RBMS2: variants seen among roughly 807,000 people sequenced by gnomAD.
RBMS2 encodes RNA-binding motif, single-stranded-interacting protein 2.
In RBMS2, 38 loss-of-function variants were observed where a neutral mutation model predicts 58.4. That is an observed-to-expected ratio of 0.65 (90% confidence interval 0.50 to 0.85). The LOEUF is 0.85. RBMS2 is among the 40% of genes least tolerant of loss of function. RBMS2 has a pLI of 0.00. For missense variants in RBMS2, 367 were observed against 503.7 expected, an observed-to-expected ratio of 0.73 and a Z score of 2.60; for synonymous variants, 151 against 180.7, an observed-to-expected ratio of 0.84 and a Z score of 1.32.
At chr12:56,542,530 CTT>C (rs11295563) in intron 1 of RBMS2, among the ~76,000 whole-genome samples, 58 of 124,264 alleles carry the variant, frequency 4.7e-4, no homozygotes, top group South Asian at 3.8e-3. Context: ...CCTGTGTTTC[CTT>C]TTTTTTTTTT....
chr12:56,586,365 A>G (rs891758743), intron 9 of RBMS2, among the ~76,000 whole-genome samples: 1 of 151,712 alleles, frequency 6.6e-6, no homozygotes, highest in Admixed American at 6.6e-5. Flanking sequence ...GGTGGTGCAC[A>G]CCTGTAGTCC....
intron 1 of RBMS2, among the ~76,000 whole-genome samples, chr12:56,544,049 A>G (rs1876672050): frequency 6.6e-6 from 1 of 151,842 alleles, no homozygotes; most frequent in African/African-American, 2.4e-5. Context: ...AGGCCAAGGC[A>G]GGGGGATCAC....
intron 7 of RBMS2, 28 bp from the exon 8 acceptor site, chr12:56,581,805 A>G (rs1436536122): frequency 6.2e-7 from 1 of 1,613,126 alleles, no homozygotes; most frequent in Non-Finnish European, 8.5e-7. Flanking sequence ...AGGGCTCACA[A>G]TGTGAACACT....
intron 1 of RBMS2, among the ~76,000 whole-genome samples, chr12:56,556,046 T>TA (rs57399884): frequency 0.057 from 7,846 of 138,564 alleles, 673 homozygotes; most frequent in African/African-American, 0.19. Context: ...CTCTGTGTCT[T>TA]AAAAAAAAAA....
At chr12:56,541,952 G>A (rs962999222) in intron 1 of RBMS2, among the ~76,000 whole-genome samples, 5 of 152,098 alleles carry the variant, frequency 3.3e-5, no homozygotes, top group Non-Finnish European at 7.4e-5. Context: ...AGAGAAGCAA[G>A]AGTCAAAAAA....
At chr12:56,559,648 G>C (rs1015413205) in intron 1 of RBMS2, among the ~76,000 whole-genome samples, 17 of 148,922 alleles carry the variant, frequency 1.1e-4, no homozygotes, top group African/African-American at 3.7e-4. Flanking sequence ...TCAGGAGATC[G>C]AGACCATTCT....
intron 1 of RBMS2, among the ~76,000 whole-genome samples, chr12:56,561,300 T>G (rs151268047): frequency 6.6e-6 from 1 of 152,324 alleles, no homozygotes; most frequent in Non-Finnish European, 1.5e-5. Context: ...ATTGCTGGGC[T>G]AAATGATATT....
intron 1 of RBMS2, among the ~76,000 whole-genome samples, chr12:56,533,433 T>TTTTTTTTA (rs1874174194): frequency 1.5e-5 from 2 of 137,370 alleles, no homozygotes; most frequent in Non-Finnish European, 3.1e-5. Flanking sequence ...TTTTTTTTTT[T>TTTTTTTTA]GAGACGGGAT....
At chr12:56,580,455 A>C (rs1592493947) in intron 5 of RBMS2, 1 of 220,696 alleles carries the variant, frequency 4.5e-6, no homozygotes, top group South Asian at 4.2e-5. Context: ...CTGGCCTCAA[A>C]CTCCTGACCT....
At position 56,524,862 on chromosome 12, in the gene RBMS2, G is replaced by A. The variant is rs182724318; in HGVS notation, c.66+2773G>A. Among the ~76,000 whole-genome samples the A allele has an allele frequency of 2.9e-3, 443 of 151,750 alleles. 2 individuals carry two copies. The highest frequency in any genetic ancestry group is 0.01 in the African/African-American group (429 of 41,336). On this transcript the variant is annotated intron_variant, in intron 1 of 13. Transcript: ENST00000262031. ...AGCTTTCTGACTAGTTGGGATTACA[G>A]GTGCCCGCCACCACGCCCAGCTAAT...
At chr12:56,584,701 C>T (rs965368353) in intron 9 of RBMS2, among the ~76,000 whole-genome samples, 6 of 151,724 alleles carry the variant, frequency 4.0e-5, no homozygotes, top group Admixed American at 1.3e-4. Flanking sequence ...AGGAGAATGG[C>T]GTGAACCTGA....
At chr12:56,551,426 G>A (rs368020803) in intron 1 of RBMS2, among the ~76,000 whole-genome samples, 1 of 152,146 alleles carries the variant, frequency 6.6e-6, no homozygotes, top group Non-Finnish European at 1.5e-5. Flanking sequence ...TAGAAGTAAG[G>A]GATGGTAGCA....
chr12:56,582,454 G>C (rs1884098799), intron 9 of RBMS2, among the ~76,000 whole-genome samples: 2 of 152,046 alleles, frequency 1.3e-5, no homozygotes, highest in African/African-American at 2.4e-5. Context: ...TTGGGGAGTT[G>C]TTTATTTTAC....
chr12:56,521,235 C>A (rs1265844307), upstream of RBMS2, among the ~76,000 whole-genome samples: 2 of 151,970 alleles, frequency 1.3e-5, no homozygotes, highest in African/African-American at 2.4e-5. Flanking sequence ...TCGAGACCAG[C>A]CTGGCCAAGA....
At chr12:56,522,988 C>A (rs964647592) in intron 1 of RBMS2, among the ~76,000 whole-genome samples, 2 of 152,150 alleles carry the variant, frequency 1.3e-5, no homozygotes, top group Non-Finnish European at 2.9e-5. Context: ...TTTAGGGAAT[C>A]TTTTGCTCAT....
Position 56,589,259 on chromosome 12 carries a change from T to G in RBMS2, c.*126T>G. The G allele has an allele frequency of 6.9e-7, 1 of 1,448,782 alleles. No individual in the cohort carries two copies. The highest frequency in any genetic ancestry group is 9.2e-7 in the Non-Finnish European group (1 of 1,091,492). 89.7% of individuals were successfully genotyped at this position (1,448,782 alleles called of 1,614,324 possible). A position where few individuals can be genotyped will look rare whatever the true frequency, so the allele number is the denominator to read the frequency against. ...GTCGGCCCTGCTAAGGACTAACACT[T>G]AGCCATCGTTTTTCACAGGCCTGGG... On this transcript the variant is annotated 3_prime_UTR_variant, in exon 14 of 14. Transcript: ENST00000262031.
chr12:56,557,799 C>T (rs982976176), intron 1 of RBMS2, among the ~76,000 whole-genome samples: 49 of 147,928 alleles, frequency 3.3e-4, no homozygotes, highest in Admixed American at 6.2e-4. Context: ...AGTGCAATGG[C>T]GCGATGTCAG....
chr12:56,537,787 T>G (rs1467434770), intron 1 of RBMS2, among the ~76,000 whole-genome samples: 1 of 152,108 alleles, frequency 6.6e-6, no homozygotes, highest in Non-Finnish European at 1.5e-5. Context: ...CTGTCCTGTT[T>G]TCAACACTGC....
In RBMS2 at chr12:56,573,080, A is replaced by G. The variant is rs866124824; in HGVS notation, c.542+1225A>G. 3 of 967,426 alleles carry G rather than the reference A, an allele frequency of 3.1e-6. 1 individual carries two copies. The highest frequency in any genetic ancestry group is 1.2e-4 in the Admixed American group (2 of 16,158). The allele number at this position is 967,426 out of a possible 1,614,324, so 59.9% of individuals were successfully genotyped here. A position where few individuals can be genotyped will look rare whatever the true frequency, so the allele number is the denominator to read the frequency against. On this transcript the variant is annotated intron_variant, in intron 5 of 13. Transcript: ENST00000262031. ...ACTTTTTTTTTTTTTTTTAGTTTCA[A>G]AATGACTGGACTAAGTGAGCCAAGC... is the stretch of plus-strand genomic sequence containing the variant.
Sources: gnomAD v4.1 joint callset for allele counts (sites outside exome capture counted in the v4.1 genomes callset) on GRCh38, gnomAD v4.1.1 for gene constraint, MANE v1.5 for transcripts, NCBI Gene and HGNC (gene_info 2026-07-23, HGNC 2026-07-21) for gene names.